KCNIP4: variants seen among roughly 807,000 people sequenced by gnomAD.
KCNIP4 encodes potassium voltage-gated channel interacting protein 4.
KCNIP4 carries 12 observed loss-of-function variants against 34.0 expected under a neutral mutation model. That is an observed-to-expected ratio of 0.35 (90% CI 0.23 to 0.57). The LOEUF (loss-of-function observed/expected upper bound fraction) is 0.57, where lower values mean the gene tolerates loss of function less well. KCNIP4 is among the 20% of genes least tolerant of loss of function. The probability of loss-of-function intolerance (pLI) is 0.83; values close to 1 mark genes in which losing one functional copy is unlikely to be tolerated. For synonymous variants in KCNIP4, 124 were observed against 102.2 expected, an observed-to-expected ratio of 1.21 and a Z score of -1.29; for missense variants, 238 against 311.7, an observed-to-expected ratio of 0.76 and a Z score of 1.78.
At chr4:21,208,511 A>C (rs1229669790) in intron 1 of KCNIP4, among the ~76,000 whole-genome samples, 2 of 152,102 alleles carry the variant, frequency 1.3e-5, no homozygotes, top group African/African-American at 2.4e-5. Flanking sequence ...ACATGCTTCA[A>C]CCACACCTGC....
chr4:20,864,168 GTATACACA>G (rs1560525545), intron 2 of KCNIP4, among the ~76,000 whole-genome samples: 21 of 71,312 alleles, frequency 2.9e-4, no homozygotes, highest in Middle Eastern at 0.016. Context: ...ACACATGTAT[GTATACACA>G]TGTATGTATG....
chr4:21,565,265 T>C (rs535245807), intron 1 of KCNIP4, among the ~76,000 whole-genome samples: 2 of 152,276 alleles, frequency 1.3e-5, no homozygotes, highest in South Asian at 4.1e-4. Context: ...ATGGCCGCTT[T>C]CTTATTATAT....
intron 1 of KCNIP4, among the ~76,000 whole-genome samples, chr4:21,188,673 T>C (rs780972200): frequency 2.0e-5 from 3 of 152,226 alleles, no homozygotes; most frequent in Non-Finnish European, 4.4e-5. Context: ...CTTTTTTCCA[T>C]ATATGTATCT....
intron 1 of KCNIP4, among the ~76,000 whole-genome samples, chr4:21,464,118 A>G (rs1321279732): frequency 1.3e-5 from 2 of 151,936 alleles, no homozygotes; most frequent in Admixed American, 1.3e-4. Flanking sequence ...TCTTCAGTCT[A>G]GCTAAAATTT....
chr4:21,347,804 G>A (rs1027172578), intron 1 of KCNIP4, among the ~76,000 whole-genome samples: 16 of 152,096 alleles, frequency 1.1e-4, no homozygotes, highest in African/African-American at 3.9e-4. Context: ...AATAAGAGTA[G>A]GGATCATGTG....
At chr4:21,109,877 C>A (rs1174823571) in intron 1 of KCNIP4, among the ~76,000 whole-genome samples, 1 of 152,016 alleles carries the variant, frequency 6.6e-6, no homozygotes, top group Admixed American at 6.6e-5. Context: ...TGAAACTACT[C>A]TTTCCTAAAG....
intron 1 of KCNIP4, among the ~76,000 whole-genome samples, chr4:21,666,310 G>A (rs984438): frequency 0.29 from 43,901 of 152,084 alleles, 7,549 homozygotes; most frequent in East Asian, 0.74. Context: ...TCATCAATAA[G>A]TTGAATCTTG....
intron 1 of KCNIP4, among the ~76,000 whole-genome samples, chr4:20,937,410 A>G (rs1731188702): frequency 6.6e-6 from 1 of 150,850 alleles, no homozygotes; most frequent in African/African-American, 2.4e-5. Flanking sequence ...AGTTTTTTGT[A>G]TTTTTAGTAG....
rs918748837 is a variant in KCNIP4, at chr4:21,701,040, G to T, written c.61+247531C>A. On this transcript the variant is annotated intron_variant, in intron 1 of 8. Transcript: ENST00000382152. ...ACAAATGAATGAATAAAAAAATGTG[G>T]TATATATACACATTGGAATAATATT... 2.0e-5 allele frequency among the ~76,000 whole-genome samples: 3 copies of T among 152,214 alleles called. No individual in the cohort carries two copies. In the East Asian group the frequency reaches 5.8e-4, roughly 29 times the overall value.
intron 1 of KCNIP4, among the ~76,000 whole-genome samples, chr4:21,883,509 A>AT (rs1726582689): frequency 6.6e-6 from 1 of 152,020 alleles, no homozygotes; most frequent in South Asian, 2.1e-4. Flanking sequence ...TTAATATAAG[A>AT]TTTTATATTT....
At chr4:21,054,289 T>C (rs1743204267) in intron 1 of KCNIP4, among the ~76,000 whole-genome samples, 1 of 151,894 alleles carries the variant, frequency 6.6e-6, no homozygotes, top group Admixed American at 6.6e-5. Context: ...GAGGCTGAGG[T>C]GGGCGGATCA....
Position 20,734,796 on chromosome 4 carries a change from A to G in KCNIP4, c.430-61T>C, listed in dbSNP as rs1749189979. ...TTTTAAAAAAACAAAAACAAAAAAA[A>G]CAAATGATGTAAGTAAGGGCTACAA... On this transcript the variant is annotated intron_variant, in intron 5 of 8. Transcript: ENST00000382152. 7 of 1,012,802 alleles carry G rather than the reference A, an allele frequency of 6.9e-6. No homozygotes were observed. In the East Asian group the frequency reaches 1.8e-4, roughly 26 times the overall value. The allele number at this position is 1,012,802 out of a possible 1,614,324, so 62.7% of individuals were successfully genotyped here.
intron 1 of KCNIP4, among the ~76,000 whole-genome samples, chr4:21,187,082 A>G (rs1755287753): frequency 6.6e-6 from 1 of 152,134 alleles, no homozygotes; most frequent in South Asian, 2.1e-4. Flanking sequence ...TTCTCATTTT[A>G]TTTTATTCTC....
Position 21,234,412 on chromosome 4 carries a change from ATATACTATATATAT to A in KCNIP4, c.62-351717_62-351704del, listed in dbSNP as rs1560199347. On this transcript the variant is annotated intron_variant, in intron 1 of 8. Coordinates refer to ENST00000382152, the MANE Select transcript of KCNIP4 (RefSeq NM_025221.6). ...TAACATATATAATATATTATATAAC[ATATACTATATATAT>A]TACATATAACGTATATAATATATAT... Among the ~76,000 whole-genome samples the A allele has an allele frequency of 3.6e-4, 47 of 130,870 alleles. 14 individuals are homozygous for A. The highest frequency in any genetic ancestry group is 8.6e-4 in the East Asian group (4 of 4,652). 85.9% of individuals were successfully genotyped at this position (130,870 alleles called of 152,430 possible). A position where few individuals can be genotyped will look rare whatever the true frequency, so the allele number is the denominator to read the frequency against.
At chr4:21,709,128 C>T (rs1713517201) in intron 1 of KCNIP4, among the ~76,000 whole-genome samples, 1 of 151,218 alleles carries the variant, frequency 6.6e-6, no homozygotes, top group African/African-American at 2.4e-5. Flanking sequence ...AGGTGAGATC[C>T]CCAAAAAAAA....
intron 1 of KCNIP4, among the ~76,000 whole-genome samples, chr4:21,251,685 A>C (rs1760709644): frequency 6.6e-6 from 1 of 152,200 alleles, no homozygotes; most frequent in East Asian, 1.9e-4. Flanking sequence ...CGCAGCCATA[A>C]AAAATGATAA....
intron 1 of KCNIP4, among the ~76,000 whole-genome samples, chr4:21,245,365 A>G (rs893396360): frequency 5.3e-5 from 8 of 152,232 alleles, no homozygotes; most frequent in East Asian, 3.9e-4. Flanking sequence ...TTACTTGCTC[A>G]TTTGTTCCGA....
chr4:21,445,379 C>T (rs1727889737), intron 1 of KCNIP4, among the ~76,000 whole-genome samples: 1 of 152,160 alleles, frequency 6.6e-6, no homozygotes, highest in Admixed American at 6.5e-5. Flanking sequence ...AACTATAATA[C>T]AAGGCTACAG....
chr4:21,100,423 T>G (rs933667760), intron 1 of KCNIP4, among the ~76,000 whole-genome samples: 2 of 152,114 alleles, frequency 1.3e-5, no homozygotes, highest in Non-Finnish European at 2.9e-5. Flanking sequence ...CGTGCTGGTA[T>G]GTACCTGTAG....
Sources: gnomAD v4.1 joint callset for allele counts (sites outside exome capture counted in the v4.1 genomes callset) on GRCh38, gnomAD v4.1.1 for gene constraint, MANE v1.5 for transcripts, NCBI Gene and HGNC (gene_info 2026-07-23, HGNC 2026-07-21) for gene names.